The following KREMEN1 variants were observed in gnomAD, a reference collection of about 807,000 sequenced individuals.
KREMEN1 encodes the protein kremen protein 1.
A neutral mutation model predicts 46.5 loss-of-function variants in KREMEN1; 30 were observed. The ratio of observed to expected loss-of-function variants is 0.65; its 90% CI spans 0.48 to 0.88. KREMEN1 has a LOEUF of 0.88. Among genes scored for constraint, KREMEN1 ranks in the 40% least tolerant of loss-of-function variants. The pLI, the probability that KREMEN1 is intolerant of heterozygous loss-of-function variation, is 0.00. For synonymous variants in KREMEN1, 214 were observed against 230.6 expected (o/e 0.93, Z 0.65); for missense variants, 533 against 596.9 (o/e 0.89, Z 1.11).
intron 1 of KREMEN1, among the ~76,000 whole-genome samples, chr22:29,083,517 G>T (rs897788689): frequency 6.6e-6 from 1 of 152,188 alleles, no homozygotes; most frequent in Non-Finnish European, 1.5e-5. Context: ...CCCAAAAGGG[G>T]GTTCTTGGAT....
In KREMEN1 at chr22:29,144,886, C is replaced by T; in HGVS notation, c.*2774C>T. The T allele has an allele frequency of 1.0e-6, 1 of 985,548 alleles. No homozygotes were observed. The highest frequency in any genetic ancestry group is 5.2e-4 in the Middle Eastern group (1 of 1,914). 61.1% of individuals were successfully genotyped at this position (985,548 alleles called of 1,614,324 possible). ...GCGGGGGCAGCACTTCCTCGGAGGG[C>T]CTGGGAGGTGCTGGGGATGCCCCAG... On this transcript the variant is annotated 3_prime_UTR_variant, in exon 9 of 9. Transcript: ENST00000400335.
At chr22:29,121,290 C>A in intron 3 of KREMEN1, 67 bp from the exon 4 acceptor site, 3 of 1,586,364 alleles carry the variant, frequency 1.9e-6, no homozygotes, top group East Asian at 4.5e-5. Context: ...TGGCACAAAT[C>A]GCTTTTCCTT....
chr22:29,105,463 G>GCACA (rs1181636900), intron 3 of KREMEN1, among the ~76,000 whole-genome samples: 19 of 112,938 alleles, frequency 1.7e-4, no homozygotes, highest in Middle Eastern at 5.0e-3. Flanking sequence ...GTGCGTGTGC[G>GCACA]CACACACACA....
chr22:29,163,450 T>G (rs2039029276), intron 9 of KREMEN1, among the ~76,000 whole-genome samples: 1 of 152,158 alleles, frequency 6.6e-6, no homozygotes, highest in Admixed American at 6.6e-5. Context: ...CGAACTCGGC[T>G]CACTGCAATA....
In KREMEN1 at chr22:29,155,630, G is replaced by A. The variant is rs187437165; in HGVS notation, c.1417-11414G>A. ...AATCTCTTACATTCATGCATTACAT[G>A]TGCAAGTTTGAAAATAAAGTGCAGG... On this transcript the variant is annotated intron_variant, in intron 9 of 9. Coordinates refer to the KREMEN1 transcript ENST00000327813. Among the ~76,000 whole-genome samples the A allele has an allele frequency of 1.3e-4, 20 of 152,270 alleles. 1 individual carries two copies. Among genetic ancestry groups the A allele is most frequent in the Admixed American group, 1.3e-3 (20 of 15,296 alleles).
At chr22:29,164,433 C>T (rs182469344) in intron 9 of KREMEN1, among the ~76,000 whole-genome samples, 151 of 152,326 alleles carry the variant, frequency 9.9e-4, no homozygotes, top group African/African-American at 3.5e-3. Context: ...AGGCATTGGA[C>T]TACACACATG....
chr22:29,107,485 G>T (rs1400420444), intron 3 of KREMEN1, among the ~76,000 whole-genome samples: 4 of 152,050 alleles, frequency 2.6e-5, no homozygotes, highest in Non-Finnish European at 5.9e-5. Flanking sequence ...TTCCCAAAGT[G>T]CTGGGATTAC....
At chr22:29,161,599 CATTCCACCA>C (rs575026595) in intron 9 of KREMEN1, among the ~76,000 whole-genome samples, 1 of 150,420 alleles carries the variant, frequency 6.6e-6, no homozygotes, top group Non-Finnish European at 1.5e-5. Context: ...TTTACAGCCA[CATTCCACCA>C]GATGTACAAG....
intron 3 of KREMEN1, among the ~76,000 whole-genome samples, chr22:29,118,677 A>G (rs1207192000): frequency 6.6e-6 from 1 of 151,704 alleles, no homozygotes; most frequent in African/African-American, 2.4e-5. Context: ...AAACCTAATT[A>G]CCTCCCAAAG....
rs151123228 is a variant in KREMEN1 at position 29,144,966 on chromosome 22, C to T, written c.*2854C>T. On this transcript the variant is annotated 3_prime_UTR_variant, in exon 9 of 9. Transcript: ENST00000400335. ...GCCCAGCGCCTCTAGGATCAACTTA[C>T]GATCCGTGGAGCAGCCCCGGGAAAC... 256 of 985,528 alleles carry T rather than the reference C, an allele frequency of 2.6e-4. No homozygotes were observed. Among genetic ancestry groups the T allele is most frequent in the Non-Finnish European group, 3.0e-4 (253 of 830,004 alleles). The allele number at this position is 985,528 out of a possible 1,614,324, so 61.0% of individuals were successfully genotyped here.
At chr22:29,111,213 T>C (rs1420121524) in intron 3 of KREMEN1, among the ~76,000 whole-genome samples, 1 of 150,394 alleles carries the variant, frequency 6.6e-6, no homozygotes, top group Non-Finnish European at 1.5e-5. Flanking sequence ...GAGGCTGAGA[T>C]GGGAAGATCA....
intron 1 of KREMEN1, among the ~76,000 whole-genome samples, chr22:29,089,751 TCTC>T (rs2037780275): frequency 6.6e-6 from 1 of 152,152 alleles, no homozygotes; most frequent in Non-Finnish European, 1.5e-5. Context: ...CCCTGCTCAT[TCTC>T]CTGCTCCAGT....
At chr22:29,140,432 C>T (rs1276543588) in intron 8 of KREMEN1, 66 bp downstream of exon 8, 2 of 1,161,250 alleles carry the variant, frequency 1.7e-6, no homozygotes, top group East Asian at 4.7e-5. Flanking sequence ...TTCTATGATG[C>T]TTCATTTGTC....
chr22:29,106,314 G>A (rs546784490), intron 3 of KREMEN1, among the ~76,000 whole-genome samples: 2 of 151,610 alleles, frequency 1.3e-5, no homozygotes, highest in South Asian at 4.2e-4. Context: ...TCCGCCTCCC[G>A]GGTTCACGCC....
At chr22:29,100,115 A>T (rs2037952025) in intron 3 of KREMEN1, among the ~76,000 whole-genome samples, 1 of 137,482 alleles carries the variant, frequency 7.3e-6, no homozygotes. Context: ...TTTTTGAGAC[A>T]GAGTCTCACT....
intron 3 of KREMEN1, among the ~76,000 whole-genome samples, chr22:29,120,464 C>CAGGGAGGAAGGAGAG (rs1569326011): frequency 5.8e-5 from 2 of 34,274 alleles, no homozygotes; most frequent in Non-Finnish European, 5.4e-5. Context: ...AGGAGGGAGA[C>CAGGGAGGAAGGAGAG]GTGATGATGG....
intron 1 of KREMEN1, among the ~76,000 whole-genome samples, chr22:29,082,044 T>C (rs1211000454): frequency 6.6e-6 from 1 of 150,894 alleles, no homozygotes; most frequent in African/African-American, 2.4e-5. Context: ...ACATTAAAAA[T>C]AGGTCACAGG....
rs2123912542 is a variant in KREMEN1, at chr22:29,073,350, C to A, written c.97+123C>A. ...GGACCTTCCGGGCCCCTTCCCCTCG[C>A]CCCTAGGCGACGCCCCTCAGGCCGG... On this transcript the variant is annotated intron_variant, in intron 1 of 8. Coordinates refer to ENST00000400335, the MANE Select transcript of KREMEN1 (RefSeq NM_001039570.3). This position sits in a 1 kb window ranked among gnomAD's most constrained non-coding sequence, Gnocchi z 4.4. 2 of 257,674 alleles carry A rather than the reference C, an allele frequency of 7.8e-6. No individual in the cohort carries two copies. The highest frequency in any genetic ancestry group is 1.9e-4 in the East Asian group (2 of 10,396). 16.0% of individuals were successfully genotyped at this position (257,674 alleles called of 1,614,324 possible).
chr22:29,160,379 A>C (rs556464089), intron 9 of KREMEN1, among the ~76,000 whole-genome samples: 215 of 150,524 alleles, frequency 1.4e-3, no homozygotes, highest in African/African-American at 5.0e-3. Flanking sequence ...AAAAATACAA[A>C]AAAAAAAAAA....
Sources: gnomAD v4.1 joint callset for allele counts (sites outside exome capture counted in the v4.1 genomes callset) on GRCh38, gnomAD v4.1.1 for gene constraint, Gnocchi (gnomAD v3.1) non-coding constraint, MANE v1.5 for transcripts, NCBI Gene and HGNC (gene_info 2026-07-23, HGNC 2026-07-21) for gene names.